The following TMC1 variants were observed in gnomAD, a reference collection of about 807,000 sequenced individuals.
TMC1 encodes the protein transmembrane channel-like protein 1.
Under a neutral mutation model 105.8 loss-of-function variants are expected in TMC1, and 84 were observed. The observed-to-expected ratio is 0.79, with a 90% CI of 0.67 to 0.95. TMC1 has a LOEUF of 0.95. TMC1 is among the 40% of genes least tolerant of loss of function. The pLI, the probability that TMC1 is intolerant of heterozygous loss-of-function variation, is 0.00. For synonymous variants in TMC1, 315 were observed against 311.5 expected (o/e 1.01, Z -0.12); for missense variants, 817 against 914.1 (o/e 0.89, Z 1.37).
intron 1 of TMC1, among the ~76,000 whole-genome samples, chr9:72,568,393 A>G (rs1587963567): frequency 6.6e-6 from 1 of 152,212 alleles, no homozygotes; most frequent in Non-Finnish European, 1.5e-5. Context: ...TTAGAATTCT[A>G]TTCTAGTTAT....
intron 6 of TMC1, among the ~76,000 whole-genome samples, chr9:72,693,933 T>C (rs1826508909): frequency 6.6e-6 from 1 of 151,860 alleles, no homozygotes; most frequent in African/African-American, 2.4e-5. Context: ...AAGAAATAAA[T>C]GATCAAGCAA....
intron 1 of TMC1, among the ~76,000 whole-genome samples, chr9:72,545,950 C>A (rs202174166): frequency 6.8e-6 from 1 of 146,014 alleles, no homozygotes. Context: ...TGTCATCGCT[C>A]AAAAAAAAAA....
At chr9:72,629,578 C>CTG (rs141554676) in intron 4 of TMC1, among the ~76,000 whole-genome samples, 35 of 151,724 alleles carry the variant, frequency 2.3e-4, no homozygotes, top group African/African-American at 8.4e-4. Flanking sequence ...GCCACCGTTT[C>CTG]TGTGTGTGTG....
intron 8 of TMC1, among the ~76,000 whole-genome samples, chr9:72,709,663 T>C (rs564516456): frequency 1.3e-5 from 2 of 152,212 alleles, no homozygotes; most frequent in Non-Finnish European, 2.9e-5. Context: ...GTGTTCATAG[T>C]AGCCTTGAGT....
At position 72,837,545 on chromosome 9, in the gene TMC1, G is replaced by A. The variant is rs953224440; in HGVS notation, c.*1572G>A. 2.0e-5 allele frequency: 3 copies of A among 152,044 alleles called. No homozygotes were observed. Among genetic ancestry groups the A allele is most frequent in the Admixed American group, 1.3e-4 (2 of 15,256 alleles). The allele number at this position is 152,044 out of a possible 1,614,324, so 9.4% of individuals were successfully genotyped here. On this transcript the variant is annotated 3_prime_UTR_variant, in exon 24 of 24. Coordinates refer to ENST00000297784, the MANE Select transcript of TMC1 (RefSeq NM_138691.3). ...TTTTTTCTTTGCTTTTTTTGTTAAG[G>A]TCAGGAAAACACACTTCTGTTGGGG...
intron 1 of TMC1, among the ~76,000 whole-genome samples, chr9:72,522,776 C>A (rs1439967588): frequency 6.6e-6 from 1 of 152,188 alleles, no homozygotes; most frequent in Admixed American, 6.5e-5. Flanking sequence ...GGGCACTGGA[C>A]ACTGTCTGTG....
At chr9:72,634,394 C>A (rs937785086) in intron 4 of TMC1, among the ~76,000 whole-genome samples, 6 of 152,088 alleles carry the variant, frequency 3.9e-5, no homozygotes, top group African/African-American at 1.4e-4. Flanking sequence ...GAAAGGTAAG[C>A]TAGGGAACAA....
intron 2 of TMC1, among the ~76,000 whole-genome samples, chr9:72,609,554 A>T (rs914419161): frequency 3.3e-5 from 5 of 152,048 alleles, no homozygotes; most frequent in Non-Finnish European, 7.4e-5. Context: ...AATAACAACA[A>T]CAACAAAAAC....
chr9:72,677,462 AATCTTTCACCAAAT>A (rs1826220967), intron 5 of TMC1, among the ~76,000 whole-genome samples: 1 of 152,128 alleles, frequency 6.6e-6, no homozygotes, highest in Non-Finnish European at 1.5e-5. Flanking sequence ...CACCCAGAAT[AATCTTTCACCAAAT>A]ATCTAGGCAC....
chr9:72,725,325 G>GTATGTATATATATA (rs1554723230), intron 8 of TMC1, among the ~76,000 whole-genome samples: 1 of 77,682 alleles, frequency 1.3e-5, no homozygotes, highest in Non-Finnish European at 2.8e-5. Flanking sequence ...ATGTGTGTAT[G>GTATGTATATATATA]TATATATATA....
intron 5 of TMC1, among the ~76,000 whole-genome samples, chr9:72,664,121 G>T (rs991690312): frequency 6.6e-6 from 1 of 152,204 alleles, no homozygotes; most frequent in Admixed American, 6.5e-5. Flanking sequence ...TTTACAAGTA[G>T]AAGGAGTACA....
chr9:72,555,608 C>A (rs912950458), intron 1 of TMC1, among the ~76,000 whole-genome samples: 1 of 151,884 alleles, frequency 6.6e-6, no homozygotes, highest in Non-Finnish European at 1.5e-5. Context: ...TCCTTGGGTC[C>A]TTTTGCCTCT....
chr9:72,590,071 C>T (rs986377294), intron 2 of TMC1, among the ~76,000 whole-genome samples: 8 of 152,202 alleles, frequency 5.3e-5, no homozygotes, highest in Non-Finnish European at 1.0e-4. Context: ...CAGGCCTGCA[C>T]CATTCCATCT....
intron 20 of TMC1, among the ~76,000 whole-genome samples, chr9:72,825,122 A>G (rs1047839230): frequency 5.9e-5 from 9 of 152,244 alleles, no homozygotes; most frequent in Admixed American, 1.3e-4. Flanking sequence ...AGGACACAGT[A>G]AAGTGCTGGT....
intron 13 of TMC1, among the ~76,000 whole-genome samples, chr9:72,784,001 G>A (rs975964216): frequency 4.6e-5 from 7 of 152,016 alleles, no homozygotes; most frequent in African/African-American, 7.2e-5. Context: ...TCTGGATATC[G>A]GCCCTGGCAA....
chr9:72,526,614 A>C (rs1823411397), intron 1 of TMC1, among the ~76,000 whole-genome samples: 2 of 152,252 alleles, frequency 1.3e-5, no homozygotes, highest in South Asian at 4.1e-4. Flanking sequence ...AAGTAAAACC[A>C]GACAAAACAA....
intron 8 of TMC1, among the ~76,000 whole-genome samples, chr9:72,714,947 T>C (rs983201906): frequency 6.6e-6 from 1 of 152,202 alleles, no homozygotes; most frequent in Non-Finnish European, 1.5e-5. Context: ...TGAGCTCTTG[T>C]AAGGCAGGCC....
intron 13 of TMC1, among the ~76,000 whole-genome samples, chr9:72,786,488 C>A (rs1183603571): frequency 1.3e-5 from 2 of 152,070 alleles, no homozygotes; most frequent in African/African-American, 4.8e-5. Context: ...CAAAAAGAAA[C>A]ACCTTAGGCA....
intron 17 of TMC1, among the ~76,000 whole-genome samples, chr9:72,796,225 A>G (rs1828364895): frequency 1.3e-5 from 2 of 152,050 alleles, no homozygotes; most frequent in African/African-American, 4.8e-5. Context: ...ACAAAGAGAC[A>G]TAGGCTACCA....
Sources: gnomAD v4.1 joint callset for allele counts (sites outside exome capture counted in the v4.1 genomes callset) on GRCh38, gnomAD v4.1.1 for gene constraint, MANE v1.5 for transcripts, NCBI Gene and HGNC (gene_info 2026-07-23, HGNC 2026-07-21) for gene names.